Variants in MYO16 observed in about 807,000 individuals in gnomAD.
MYO16 encodes myosin XVI.
In MYO16, 94 loss-of-function variants were observed where a neutral mutation model predicts 205.3. The ratio of observed to expected loss-of-function variants is 0.46; its 90% CI spans 0.39 to 0.54. The LOEUF is 0.54. MYO16 is among the 20% of genes least tolerant of loss of function. The pLI is 0.00. For synonymous variants in MYO16, 988 were observed against 954.0 expected, an observed-to-expected ratio of 1.04 and a Z score of -0.66; for missense variants, 2,315 against 2,387.5, an observed-to-expected ratio of 0.97 and a Z score of 0.63.
At chr13:108,986,922 A>G (rs569178547) in intron 20 of MYO16, among the ~76,000 whole-genome samples, 3 of 152,226 alleles carry the variant, frequency 2.0e-5, no homozygotes, top group Non-Finnish European at 2.9e-5. Context: ...TGCTTGGTCT[A>G]TCTAATACTC....
chr13:108,871,807 C>G (rs1184800074), intron 12 of MYO16, among the ~76,000 whole-genome samples: 2 of 152,100 alleles, frequency 1.3e-5, no homozygotes, highest in Admixed American at 6.6e-5. Flanking sequence ...GAAAAGATCC[C>G]GTGTGGCCCG....
the MYO16 span, among the ~76,000 whole-genome samples, chr13:108,555,248 G>A: frequency 6.6e-6 from 1 of 152,164 alleles, no homozygotes; most frequent in Admixed American, 6.5e-5. Flanking sequence ...CAGTGTATAT[G>A]TGAGATGTGA....
At chr13:108,939,663 T>C (rs534214825) in intron 16 of MYO16, among the ~76,000 whole-genome samples, 9 of 152,358 alleles carry the variant, frequency 5.9e-5, no homozygotes, top group African/African-American at 1.7e-4. Context: ...ACTTTTCTTC[T>C]TATTTGAGAA....
At chr13:108,694,026 C>A (rs1275010993) in intron 2 of MYO16, among the ~76,000 whole-genome samples, 1 of 152,160 alleles carries the variant, frequency 6.6e-6, no homozygotes, top group Non-Finnish European at 1.5e-5. Context: ...CATGTCCCTG[C>A]AAAGGATACA....
chr13:108,586,645 G>A, the MYO16 span, among the ~76,000 whole-genome samples: 1 of 152,146 alleles, frequency 6.6e-6, no homozygotes, highest in Non-Finnish European at 1.5e-5. Flanking sequence ...TGTCATGTAG[G>A]TGAAAAATGG....
At position 108,846,216 on chromosome 13, in the gene MYO16, A is replaced by G. The variant is rs1360489414; in HGVS notation, c.1248+1723A>G. On this transcript the variant is annotated intron_variant, in intron 10 of 34. Coordinates refer to ENST00000457511, the MANE Select transcript of MYO16 (RefSeq NM_001198950.3). ...CTCATACATTTTAACACTTATGCCC[A>G]TAAATTTAGTAATTTAAAAGTTTGG... is the stretch of plus-strand genomic sequence containing the variant. 4.6e-5 allele frequency among the ~76,000 whole-genome samples: 7 copies of G among 152,318 alleles called. No homozygotes were observed. In the East Asian group the frequency reaches 1.3e-3, roughly 29 times the overall value.
chr13:108,530,846 A>T, the MYO16 span, among the ~76,000 whole-genome samples: 5 of 152,222 alleles, frequency 3.3e-5, no homozygotes, highest in East Asian at 9.6e-4. Flanking sequence ...GGGTCTTAAA[A>T]TTTTTTTATT....
intron 27 of MYO16, among the ~76,000 whole-genome samples, chr13:109,099,218 G>C (rs1888875777): frequency 6.6e-6 from 1 of 152,156 alleles, no homozygotes; most frequent in Admixed American, 6.5e-5. Context: ...CTGCTCTTTT[G>C]TGACCCATTT....
intron 9 of MYO16, among the ~76,000 whole-genome samples, chr13:108,824,129 A>G (rs1349954902): frequency 6.6e-6 from 1 of 152,066 alleles, no homozygotes; most frequent in Non-Finnish European, 1.5e-5. Context: ...ACATCATTTT[A>G]AAGGCCTTCA....
intron 7 of MYO16, among the ~76,000 whole-genome samples, chr13:108,815,517 A>G (rs1875535009): frequency 6.6e-6 from 1 of 152,182 alleles, no homozygotes; most frequent in Non-Finnish European, 1.5e-5. Flanking sequence ...CCATTAACCA[A>G]GGAATGTGGG....
At chr13:108,633,662 T>C (rs1880089064) in intron 1 of MYO16, among the ~76,000 whole-genome samples, 1 of 152,174 alleles carries the variant, frequency 6.6e-6, no homozygotes, top group African/African-American at 2.4e-5. Context: ...CATCCTTCAA[T>C]CCAACCAAGT....
intron 32 of MYO16, among the ~76,000 whole-genome samples, chr13:109,163,709 T>C (rs1360678512): frequency 1.3e-5 from 2 of 152,170 alleles, no homozygotes; most frequent in African/African-American, 4.8e-5. Flanking sequence ...AAATAAAGAC[T>C]GAATAATAAT....
chr13:108,971,413 ATCTG>A (rs200693281), intron 20 of MYO16, among the ~76,000 whole-genome samples: 1,785 of 150,272 alleles, frequency 0.012, 55 homozygotes, highest in East Asian at 0.06. Flanking sequence ...TATTATCTAT[ATCTG>A]TCTATCTATC....
In MYO16 at chr13:108,822,810, A is replaced by T. The variant is rs1170680669; in HGVS notation, c.944-315A>T. Among the ~76,000 whole-genome samples, 5 of 152,254 alleles carry T rather than the reference A, an allele frequency of 3.3e-5. No individual in the cohort carries two copies. In the South Asian group the frequency reaches 8.3e-4, roughly 25 times the overall value. ...GTCGCCAAGATGCAGGACAAGTTTT[A>T]CTGAAAATGAAATGACATTAAGTTT... is the stretch of plus-strand genomic sequence containing the variant. On this transcript the variant is annotated intron_variant, in intron 8 of 34. Transcript: ENST00000457511.
intron 25 of MYO16, among the ~76,000 whole-genome samples, chr13:109,053,969 A>G (rs1246623275): frequency 6.6e-6 from 1 of 152,144 alleles, no homozygotes; most frequent in Non-Finnish European, 1.5e-5. Context: ...TAATAGCAAA[A>G]GCACTAAATC....
chr13:109,200,786 T>C (rs1880362958), intron 34 of MYO16, among the ~76,000 whole-genome samples: 1 of 151,918 alleles, frequency 6.6e-6, no homozygotes, highest in Non-Finnish European at 1.5e-5. Flanking sequence ...TATGCTTCTA[T>C]AGAGTGACTC....
rs1880012395 is a variant in MYO16, at chr13:108,888,578, T to C, written c.1659+101T>C. 10 of 609,158 alleles carry C rather than the reference T, an allele frequency of 1.6e-5. No homozygotes were observed. The Admixed American group carries it at 3.1e-4, about 19-fold the overall frequency. The allele number at this position is 609,158 out of a possible 1,614,324, so 37.7% of individuals were successfully genotyped here. On this transcript the variant is annotated intron_variant, in intron 14 of 34. Transcript: ENST00000457511. ...GACATCATAATAGATACAAGGGGGTTCAAAATTTGTGGAAATAAAGAATAA... is the reference window on the plus strand; with the variant it reads ...GACATCATAATAGATACAAGGGGGTCCAAAATTTGTGGAAATAAAGAATAA...
chr13:108,759,242 G>A (rs1001139806), intron 4 of MYO16, among the ~76,000 whole-genome samples: 1 of 152,142 alleles, frequency 6.6e-6, no homozygotes, highest in Non-Finnish European at 1.5e-5. Flanking sequence ...TGTTTCAACA[G>A]AATTATGGAA....
chr13:109,071,155 A>C (rs183966053), intron 27 of MYO16, among the ~76,000 whole-genome samples: 427 of 152,322 alleles, frequency 2.8e-3, no homozygotes, highest in African/African-American at 0.01. Context: ...TTTTTAAAAA[A>C]CACGTCATTT....
Sources: allele counts gnomAD v4.1 joint callset (sites outside exome capture counted in the v4.1 genomes callset), GRCh38; gene constraint gnomAD v4.1.1; transcripts MANE v1.5; gene names NCBI Gene and HGNC (gene_info 2026-07-23, HGNC 2026-07-21).